The following RSRC2 variants were observed in gnomAD, a reference collection of about 807,000 sequenced individuals.
RSRC2 encodes arginine/serine-rich coiled-coil protein 2.
Under a neutral mutation model 61.3 loss-of-function variants are expected in RSRC2, and 5 were observed. That is an observed-to-expected ratio of 0.08 (90% confidence interval 0.04 to 0.17). The LOEUF (loss-of-function observed/expected upper bound fraction) is 0.17, where lower values mean the gene tolerates loss of function less well. Among genes scored for constraint, RSRC2 ranks in the 10% least tolerant of loss-of-function variants. The pLI, the probability that RSRC2 is intolerant of heterozygous loss-of-function variation, is 1.00. For missense variants in RSRC2, 381 were observed against 518.8 expected, an observed-to-expected ratio of 0.73 and a Z score of 2.58; for synonymous variants, 202 against 166.5, an observed-to-expected ratio of 1.21 and a Z score of -1.64.
At position 122,505,371 on chromosome 12, in the gene RSRC2, TATCACTG is replaced by T. The variant is rs537269086; in HGVS notation, c.*149_*155del. The T allele has an allele frequency of 1.3e-4, 76 of 605,494 alleles. No individual in the cohort carries two copies. In the African/African-American group the frequency reaches 1.4e-3, roughly 11 times the overall value. 37.5% of individuals were successfully genotyped at this position (605,494 alleles called of 1,614,324 possible). On this transcript the variant is annotated 3_prime_UTR_variant, in exon 10 of 10. Transcript: ENST00000331738. ...AACCTGATTACAACACTAACACCAG[TATCACTG>T]ATCTGATATTTACAAAAATTTGTAT...
At chr12:122,517,906 A>G (rs1195404587) in intron 4 of RSRC2, among the ~76,000 whole-genome samples, 2 of 152,236 alleles carry the variant, frequency 1.3e-5, no homozygotes, top group African/African-American at 4.8e-5. Flanking sequence ...TTAGCAGCAA[A>G]CACCAACATC....
At position 122,517,321 on chromosome 12, in the gene RSRC2, T is replaced by A; in HGVS notation, c.508A>T (p.Arg170Trp). The A allele has an allele frequency of 1.2e-6, 2 of 1,613,934 alleles. No individual in the cohort carries two copies. Among genetic ancestry groups the A allele is most frequent in the Non-Finnish European group, 1.7e-6 (2 of 1,179,804 alleles). Residue 170 changes from arginine to tryptophan, a missense_variant, in exon 5 of 10, where the codon AGG becomes TGG. This residue lies in a region of RSRC2 where 266 missense variants were observed against 270.5 expected (regional missense o/e 0.98). Transcript: ENST00000331738. ...GACCTGATCCGCCGTTTTCTTTCCCTGCTTCTGGATCTCGATTTCTTCCTC... is the reference window on the plus strand; with the variant it reads ...GACCTGATCCGCCGTTTTCTTTCCCAGCTTCTGGATCTCGATTTCTTCCTC... ...RERKKSRSRS[R>W]ERKRRIRSRS...
intron 8 of RSRC2, chr12:122,507,287 CAGG>C (rs1565885716): frequency 3.9e-6 from 1 of 258,722 alleles, no homozygotes; most frequent in African/African-American, 2.3e-5. Flanking sequence ...GAGTCTGAGG[CAGG>C]AGAATTGCTT....
In RSRC2 at chr12:122,505,631, G is replaced by C; in HGVS notation, c.1201C>G (p.Arg401Gly). 6.2e-7 allele frequency: 1 copy of C among 1,614,006 alleles called. No homozygotes were observed. The highest frequency in any genetic ancestry group is 8.5e-7 in the Non-Finnish European group (1 of 1,179,944). ...ATTTCATACTGAGCATCTAAATTTC[G>C]AAATACTTCTTCCTGCTGCTTCAGA... is the stretch of plus-strand genomic sequence containing the variant. The part of the protein sequence containing the change: ...KTLKQQEEVF[R>G]NLDAQYEMAR... Residue 401 changes from arginine to glycine, a missense_variant, in exon 10 of 10, where the codon CGA becomes GGA. This residue lies in a region of RSRC2 where 78 missense variants were observed against 183.0 expected (regional missense o/e 0.43). Transcript: ENST00000331738.
intron 3 of RSRC2, chr12:122,520,722 G>T (rs1959186617): frequency 3.4e-5 from 15 of 445,230 alleles, no homozygotes; most frequent in South Asian, 2.1e-4. Context: ...TGTTTTAGGA[G>T]TCCCTTACCC....
intron 1 of RSRC2, 89 bp downstream of exon 1, chr12:122,526,759 C>T (rs1960580606): frequency 1.4e-6 from 2 of 1,474,982 alleles, no homozygotes; most frequent in African/African-American, 1.4e-5. Context: ...TACACACATA[C>T]ACACGAACAA....
intron 3 of RSRC2, chr12:122,519,644 G>A (rs1486585772): frequency 1.3e-5 from 2 of 153,214 alleles, no homozygotes; most frequent in South Asian, 2.0e-4. Flanking sequence ...TAGGCTTAGA[G>A]GAGTATTACA....
Position 122,517,210 on chromosome 12 carries a change from G to A in RSRC2, c.602+17C>T, listed in dbSNP as rs749131369. 8.7e-6 allele frequency: 14 copies of A among 1,613,976 alleles called. No homozygotes were observed. The highest frequency in any genetic ancestry group is 9.3e-6 in the Non-Finnish European group (11 of 1,179,892). On this transcript the variant is annotated intron_variant, in intron 5 of 9. Coordinates refer to ENST00000331738, the MANE Select transcript of RSRC2 (RefSeq NM_023012.6). ...TGAGGGTCCTATTAAATTTTATTCAGGATGATGGTCACCTACCGACTCCTA... is the reference window on the plus strand; with the variant it reads ...TGAGGGTCCTATTAAATTTTATTCAAGATGATGGTCACCTACCGACTCCTA...
chr12:122,506,631 C>G, intron 9 of RSRC2: 1 of 494,234 alleles, frequency 2.0e-6, no homozygotes, highest in Non-Finnish European at 3.6e-6. Context: ...TCTCTCTCTC[C>G]AAGTGTGTGT....
At chr12:122,511,324 C>G in intron 6 of RSRC2, 136 bp from the exon 7 acceptor site, 1 of 545,382 alleles carries the variant, frequency 1.8e-6, no homozygotes, top group Non-Finnish European at 3.2e-6. Flanking sequence ...CACCGATAGC[C>G]GTATGTGAAG....
At chr12:122,510,735 A>C (rs1958444032) in intron 7 of RSRC2, among the ~76,000 whole-genome samples, 1 of 151,988 alleles carries the variant, frequency 6.6e-6, no homozygotes, top group Admixed American at 6.5e-5. Context: ...TATATTTTTC[A>C]ATTTTTCTAC....
chr12:122,522,842 A>G (rs1959429971), intron 1 of RSRC2: 3 of 152,282 alleles, frequency 2.0e-5, no homozygotes, highest in Admixed American at 2.0e-4. Context: ...CTCTTTAATG[A>G]AAACAGCCCC....
chr12:122,513,189 C>T (rs1234227083), intron 6 of RSRC2, among the ~76,000 whole-genome samples: 2 of 139,024 alleles, frequency 1.4e-5, no homozygotes, highest in African/African-American at 2.7e-5. Flanking sequence ...AGCAAGACTC[C>T]GTCTCAAAAA....
At chr12:122,515,253 C>G (rs766763717) in intron 5 of RSRC2, 26 bp from the exon 6 acceptor site, 4 of 1,603,350 alleles carry the variant, frequency 2.5e-6, no homozygotes, top group South Asian at 1.1e-5. Flanking sequence ...TTTCATATGT[C>G]AAATTATGGC....
chr12:122,512,086 G>A (rs1456491554), intron 6 of RSRC2, among the ~76,000 whole-genome samples: 2 of 152,080 alleles, frequency 1.3e-5, no homozygotes, highest in South Asian at 2.1e-4. Flanking sequence ...CATTACAGGC[G>A]TGAGCCACCA....
intron 5 of RSRC2, among the ~76,000 whole-genome samples, chr12:122,515,527 G>A (rs79133630): frequency 0.024 from 3,722 of 152,192 alleles, 138 homozygotes; most frequent in African/African-American, 0.082. Flanking sequence ...GCATCTGGCT[G>A]TTTCCAATCT....
rs749730420 is a variant in RSRC2, at chr12:122,515,186, C to G, written c.644G>C (p.Arg215Thr). 6.2e-7 allele frequency: 1 copy of G among 1,614,148 alleles called. No homozygotes were observed. Among genetic ancestry groups the G allele is most frequent in the South Asian group, 1.1e-5 (1 of 91,072 alleles). The change falls in exon 6 of 10, where the codon AGA (arginine) becomes ACA (threonine). Residue 215 changes from arginine (R) to threonine (T), a missense_variant. Around this residue, in one of 4 missense-constraint regions of RSRC2, gnomAD observed 266 missense variants for 270.5 expected, o/e 0.98. Transcript: ENST00000331738. The part of the protein sequence containing the change: ...KRIEKPRRFS[R>T]SLSRTPSPPP... Reference sequence around the variant, plus strand: ...TGGACTTGGAGTCCGGCTTAAACTTCTGCTAAATCTTCTCGGCTTTTCAAT... The same window carrying G: ...TGGACTTGGAGTCCGGCTTAAACTTGTGCTAAATCTTCTCGGCTTTTCAAT...
intron 8 of RSRC2, 31 bp from the exon 9 acceptor site, chr12:122,506,954 T>C (rs1565885080): frequency 4.1e-6 from 5 of 1,218,968 alleles, no homozygotes. Flanking sequence ...TTAAAATATG[T>C]AAAATTTAAA....
intron 6 of RSRC2, chr12:122,514,645 T>C (rs2137481893): frequency 9.6e-7 from 1 of 1,036,444 alleles, no homozygotes; most frequent in Non-Finnish European, 1.2e-6. Context: ...TCAAATAAAT[T>C]AGCTTATAAT....
Sources: gnomAD v4.1 joint callset for allele counts (sites outside exome capture counted in the v4.1 genomes callset) on GRCh38, gnomAD v4.1.1 for gene constraint, gnomAD v4.1.1 regional missense constraint, MANE v1.5 for transcripts, NCBI Gene and HGNC (gene_info 2026-07-23, HGNC 2026-07-21) for gene names.